CADM1: variants seen among roughly 807,000 people sequenced by gnomAD.
CADM1 encodes the protein TSLC-1.
A neutral mutation model predicts 53.1 loss-of-function variants in CADM1; 15 were observed. The observed-to-expected ratio is 0.28, with a 90% CI of 0.19 to 0.44. CADM1 has a LOEUF of 0.44. Ranked by LOEUF, CADM1 falls within the 20% of genes least tolerant of loss-of-function variation. The probability of loss-of-function intolerance (pLI) is 1.00; values close to 1 mark genes in which losing one functional copy is unlikely to be tolerated. For synonymous variants in CADM1, 281 were observed against 243.0 expected (o/e 1.16, Z -1.45); for missense variants, 434 against 611.3 (o/e 0.71, Z 3.06).
chr11:115,471,622 C>G (rs575595101), intron 1 of CADM1, among the ~76,000 whole-genome samples: 1 of 152,290 alleles, frequency 6.6e-6, no homozygotes, highest in East Asian at 1.9e-4. Context: ...GGCTCCACCC[C>G]CAGAGTTTCT....
intron 1 of CADM1, among the ~76,000 whole-genome samples, chr11:115,421,925 A>G (rs1947767558): frequency 6.6e-6 from 1 of 152,188 alleles, no homozygotes; most frequent in Non-Finnish European, 1.5e-5. Flanking sequence ...ATAAACTCAA[A>G]ATTAGGGCTT....
At chr11:115,240,649 T>C in intron 1 of CADM1, 1 of 561,684 alleles carries the variant, frequency 1.8e-6, no homozygotes, top group South Asian at 2.0e-5. Context: ...TCAAAAGCTG[T>C]GGTACAAAAG....
chr11:115,400,337 C>T (rs1406368278), intron 1 of CADM1, among the ~76,000 whole-genome samples: 1 of 147,782 alleles, frequency 6.8e-6, no homozygotes, highest in Non-Finnish European at 1.5e-5. Context: ...CGTGAAGAAA[C>T]AGAATAGAAT....
intron 1 of CADM1, among the ~76,000 whole-genome samples, chr11:115,487,582 C>G (rs1049754470): frequency 1.4e-4 from 21 of 152,070 alleles, no homozygotes; most frequent in African/African-American, 5.1e-4. Flanking sequence ...CTATCTTAGT[C>G]TGAAATTCTA....
chr11:115,323,275 T>C (rs1944871609), intron 1 of CADM1, among the ~76,000 whole-genome samples: 1 of 152,196 alleles, frequency 6.6e-6, no homozygotes, highest in African/African-American at 2.4e-5. Context: ...TTTAGTCAAC[T>C]ATTCGGTAGA....
chr11:115,326,538 A>T (rs900619636), intron 1 of CADM1, among the ~76,000 whole-genome samples: 4 of 152,200 alleles, frequency 2.6e-5, no homozygotes, highest in Non-Finnish European at 5.9e-5. Flanking sequence ...TATAAATATT[A>T]ATATGAACTC....
At chr11:115,305,770 T>A (rs1361501497) in intron 1 of CADM1, among the ~76,000 whole-genome samples, 2 of 151,720 alleles carry the variant, frequency 1.3e-5, no homozygotes, top group Non-Finnish European at 2.9e-5. Flanking sequence ...CAAAATACTT[T>A]ATTAGTGACT....
chr11:115,409,554 A>T (rs1446656474), intron 1 of CADM1, among the ~76,000 whole-genome samples: 5 of 152,142 alleles, frequency 3.3e-5, no homozygotes, highest in African/African-American at 1.2e-4. Context: ...TAAAAGACAT[A>T]GGAATTATGG....
intron 1 of CADM1, among the ~76,000 whole-genome samples, chr11:115,408,440 C>T (rs1174104008): frequency 6.6e-6 from 1 of 152,174 alleles, no homozygotes; most frequent in East Asian, 1.9e-4. Flanking sequence ...CAATGAAGGC[C>T]TGGATTTCTA....
rs35517673 is a variant in CADM1 at position 115,305,900 on chromosome 11, CAA to C, written c.125-65482_125-65481del. On this transcript the variant is annotated intron_variant, in intron 1 of 11. Coordinates refer to ENST00000331581, the MANE Select transcript of CADM1 (RefSeq NM_001301043.2). The stretch of plus-strand genomic sequence containing the variant: ...TGGGCTACAGAGCGAGACTCCATCT[CAA>C]AAAAAAAAAAAAAAAAAAAGAATAT... Among the ~76,000 whole-genome samples the C allele has an allele frequency of 7.3e-3, 586 of 80,810 alleles. 5 individuals carry two copies. Among genetic ancestry groups the C allele is most frequent in the African/African-American group, 0.014 (301 of 21,624 alleles). The allele number at this position is 80,810 out of a possible 152,430, so 53.0% of individuals were successfully genotyped here. A position where few individuals can be genotyped will look rare whatever the true frequency, so the allele number is the denominator to read the frequency against.
intron 1 of CADM1, among the ~76,000 whole-genome samples, chr11:115,295,244 C>T (rs1428569494): frequency 1.3e-5 from 2 of 151,954 alleles, no homozygotes; most frequent in African/African-American, 4.8e-5. Flanking sequence ...GAGCATTCAA[C>T]AAGTTCACGG....
chr11:115,269,268 A>G (rs539106814), intron 1 of CADM1, among the ~76,000 whole-genome samples: 1 of 152,170 alleles, frequency 6.6e-6, no homozygotes, highest in African/African-American at 2.4e-5. Context: ...CCAACTCTCT[A>G]AATTCCCCCA....
intron 1 of CADM1, among the ~76,000 whole-genome samples, chr11:115,389,651 C>T (rs1179507928): frequency 2.0e-5 from 3 of 152,036 alleles, no homozygotes; most frequent in Non-Finnish European, 4.4e-5. Flanking sequence ...AGCATGATCA[C>T]AACTAAGTAA....
chr11:115,433,173 A>C (rs539468803), intron 1 of CADM1, among the ~76,000 whole-genome samples: 94 of 152,294 alleles, frequency 6.2e-4, no homozygotes, highest in African/African-American at 2.1e-3. Context: ...TCCTCTGCTG[A>C]TTGCTGTACA....
At chr11:115,429,992 A>G (rs1275581372) in intron 1 of CADM1, among the ~76,000 whole-genome samples, 1 of 152,188 alleles carries the variant, frequency 6.6e-6, no homozygotes, top group Non-Finnish European at 1.5e-5. Flanking sequence ...AAAAGAAATG[A>G]ACCCAGGATT....
At chr11:115,501,387 C>T (rs910455484) in intron 1 of CADM1, among the ~76,000 whole-genome samples, 1 of 152,170 alleles carries the variant, frequency 6.6e-6, no homozygotes, top group African/African-American at 2.4e-5. Flanking sequence ...CAGCCCCCCT[C>T]CTTCCCATCA....
At chr11:115,365,683 C>A (rs942308864) in intron 1 of CADM1, among the ~76,000 whole-genome samples, 2 of 151,962 alleles carry the variant, frequency 1.3e-5, no homozygotes, top group African/African-American at 4.8e-5. Flanking sequence ...AAGACTTCTA[C>A]AGTAACTTTT....
intron 11 of CADM1, 72 bp downstream of exon 11, chr11:115,178,572 A>C: frequency 6.6e-7 from 1 of 1,515,172 alleles, no homozygotes; most frequent in Non-Finnish European, 9.1e-7. Context: ...CCTATCAAGG[A>C]CAACCTTGTA....
At chr11:115,440,291 G>T (rs1948280540) in intron 1 of CADM1, among the ~76,000 whole-genome samples, 1 of 152,128 alleles carries the variant, frequency 6.6e-6, no homozygotes, top group African/African-American at 2.4e-5. Context: ...CTTACCACAC[G>T]TGATAAACTG....
Sources: allele counts gnomAD v4.1 joint callset (sites outside exome capture counted in the v4.1 genomes callset), GRCh38; gene constraint gnomAD v4.1.1; transcripts MANE v1.5; gene names NCBI Gene and HGNC (gene_info 2026-07-23, HGNC 2026-07-21).